The following OTUD7A variants were observed in gnomAD, a reference collection of about 807,000 sequenced individuals.
OTUD7A encodes OTU domain-containing protein 7A.
Under a neutral mutation model 65.7 loss-of-function variants are expected in OTUD7A, and 12 were observed. The ratio of observed to expected loss-of-function variants is 0.18; its 90% CI spans 0.12 to 0.30. The LOEUF (loss-of-function observed/expected upper bound fraction) is 0.30. OTUD7A is among the 10% of genes least tolerant of loss of function. OTUD7A has a pLI of 1.00. For synonymous variants in OTUD7A, 641 were observed against 586.3 expected (o/e 1.09, Z -1.35); for missense variants, 1,148 against 1,304.8 (o/e 0.88, Z 1.85).
chr15:31,839,132 T>A (rs988082732), intron 1 of OTUD7A, among the ~76,000 whole-genome samples: 9 of 152,038 alleles, frequency 5.9e-5, no homozygotes, highest in African/African-American at 1.7e-4. Flanking sequence ...CAGGGCCAGG[T>A]TCCTCTGGCT....
At chr15:31,634,374 T>G (rs1195427789) in intron 3 of OTUD7A, among the ~76,000 whole-genome samples, 1 of 152,166 alleles carries the variant, frequency 6.6e-6, no homozygotes, top group East Asian at 1.9e-4. Flanking sequence ...TGACCTCGCG[T>G]TGGGTGTCTC....
chr15:31,716,911 A>G (rs1346041492), intron 1 of OTUD7A, among the ~76,000 whole-genome samples: 2 of 152,224 alleles, frequency 1.3e-5, no homozygotes, highest in African/African-American at 2.4e-5. Context: ...ATGTGGCATA[A>G]AAGGCCTTCT....
chr15:31,809,871 A>C (rs1260712447), intron 1 of OTUD7A, among the ~76,000 whole-genome samples: 1 of 151,262 alleles, frequency 6.6e-6, no homozygotes, highest in Non-Finnish European at 1.5e-5. Flanking sequence ...TAACAGCTAC[A>C]ACAATTCATT....
intron 3 of OTUD7A, among the ~76,000 whole-genome samples, chr15:31,653,780 TAAAG>T (rs200754894): frequency 0.051 from 7,716 of 152,140 alleles, 335 homozygotes; most frequent in Non-Finnish European, 0.065. Flanking sequence ...GTAAAAAAAA[TAAAG>T]AAAAGAGATG....
At chr15:31,789,710 T>C (rs897480808) in intron 1 of OTUD7A, among the ~76,000 whole-genome samples, 7 of 148,062 alleles carry the variant, frequency 4.7e-5, no homozygotes, top group Admixed American at 1.3e-4. Context: ...GCTGCCCTTT[T>C]TTTTTTTTTT....
At chr15:31,603,777 G>C (rs12101722) in intron 3 of OTUD7A, among the ~76,000 whole-genome samples, 3,137 of 152,138 alleles carry the variant, frequency 0.021, 95 homozygotes, top group African/African-American at 0.072. Flanking sequence ...CCAAAAAGTG[G>C]GCAAATTATA....
intron 3 of OTUD7A, among the ~76,000 whole-genome samples, chr15:31,622,665 C>T (rs62004127): frequency 6.6e-6 from 1 of 152,184 alleles, no homozygotes; most frequent in Non-Finnish European, 1.5e-5. Context: ...AGCCATTCGT[C>T]TAATCTTTTT....
At chr15:31,848,729 G>A (rs2141002345) in intron 1 of OTUD7A, among the ~76,000 whole-genome samples, 2 of 152,336 alleles carry the variant, frequency 1.3e-5, no homozygotes, top group East Asian at 3.9e-4. Flanking sequence ...ATGCTCAGTT[G>A]TGAAAGGCTG....
At position 31,684,531 on chromosome 15, in the gene OTUD7A, C is replaced by G. The variant is rs528741193; in HGVS notation, c.-99-27454G>C. Among the ~76,000 whole-genome samples, 6 of 151,812 alleles carry G rather than the reference C, an allele frequency of 4.0e-5. No individual in the cohort carries two copies. The South Asian group carries it at 1.1e-3, about 27-fold the overall frequency. The stretch of plus-strand genomic sequence containing the variant: ...CCAAAATGTGAGTTGAGGCTGCAGT[C>G]TCGTCTGAAGGCTCAAATGAGGAAG... On this transcript the variant is annotated intron_variant, in intron 1 of 12. Coordinates refer to ENST00000307050, the MANE Select transcript of OTUD7A (RefSeq NM_001382637.1).
chr15:31,621,329 T>C (rs974439096), intron 3 of OTUD7A, among the ~76,000 whole-genome samples: 10 of 152,304 alleles, frequency 6.6e-5, no homozygotes, highest in Non-Finnish European at 1.3e-4. Context: ...CCTAGTTAAC[T>C]TTCTGTTTCG....
At chr15:31,687,862 T>C (rs1424745274) in intron 1 of OTUD7A, among the ~76,000 whole-genome samples, 4 of 152,184 alleles carry the variant, frequency 2.6e-5, no homozygotes, top group African/African-American at 4.8e-5. Context: ...GGGAAGAGAA[T>C]GTTCACAGGG....
intron 4 of OTUD7A, among the ~76,000 whole-genome samples, chr15:31,568,536 G>T (rs770419459): frequency 7.9e-5 from 12 of 152,226 alleles, no homozygotes; most frequent in Non-Finnish European, 1.5e-4. Flanking sequence ...TCAAGACTTT[G>T]AGGGACTGTT....
intron 1 of OTUD7A, among the ~76,000 whole-genome samples, chr15:31,852,118 A>G (rs1897443100): frequency 6.6e-6 from 1 of 152,170 alleles, no homozygotes; most frequent in Non-Finnish European, 1.5e-5. Context: ...TGGCCTCCCA[A>G]AGTGCTGGGA....
intron 1 of OTUD7A, among the ~76,000 whole-genome samples, chr15:31,710,764 T>C (rs1893422462): frequency 6.6e-6 from 1 of 152,256 alleles, no homozygotes; most frequent in African/African-American, 2.4e-5. Flanking sequence ...CCACTATTAT[T>C]GTATTGCTGT....
intron 3 of OTUD7A, among the ~76,000 whole-genome samples, chr15:31,653,403 A>G (rs1209689419): frequency 6.6e-6 from 1 of 152,248 alleles, no homozygotes; most frequent in Non-Finnish European, 1.5e-5. Context: ...ATTCTGGAGT[A>G]CCTGCAGAAT....
rs2654068 is a variant in OTUD7A, at chr15:31,709,068, C to T, written c.-99-51991G>A. ...CAGCATACAAGGTAATGCAAAAGAC[C>T]TGCAGGACAGAGAGGGAGAGAAAAC... On this transcript the variant is annotated intron_variant, in intron 1 of 12. Coordinates refer to ENST00000307050, the MANE Select transcript of OTUD7A (RefSeq NM_001382637.1). Among the ~76,000 whole-genome samples the T allele has an allele frequency of 7.3e-3, 1,099 of 150,782 alleles. 14 individuals carry two copies. The highest frequency in any genetic ancestry group is 9.6e-3 in the Non-Finnish European group (652 of 67,994).
chr15:31,725,308 G>A (rs1025410276), intron 1 of OTUD7A, among the ~76,000 whole-genome samples: 5 of 152,262 alleles, frequency 3.3e-5, no homozygotes, highest in Admixed American at 6.5e-5. Flanking sequence ...ATTGACAGTC[G>A]CCTGTCTCCC....
chr15:31,718,638 T>C (rs557199643), intron 1 of OTUD7A, among the ~76,000 whole-genome samples: 13 of 145,976 alleles, frequency 8.9e-5, no homozygotes, highest in African/African-American at 1.7e-4. Flanking sequence ...TCTGCAGCTC[T>C]TCTAATGGCA....
chr15:31,672,547 C>T (rs1006748739), intron 1 of OTUD7A, among the ~76,000 whole-genome samples: 6 of 152,192 alleles, frequency 3.9e-5, no homozygotes, highest in Non-Finnish European at 7.3e-5. Context: ...AACAATTCCA[C>T]AGGGACAGTG....
Sources: gnomAD v4.1 joint callset for allele counts (sites outside exome capture counted in the v4.1 genomes callset) on GRCh38, gnomAD v4.1.1 for gene constraint, MANE v1.5 for transcripts, NCBI Gene and HGNC (gene_info 2026-07-23, HGNC 2026-07-21) for gene names.